ANKS1B: variants seen among roughly 807,000 people sequenced by gnomAD.
The protein encoded by ANKS1B is ankyrin repeat and sterile alpha motif domain containing 1B.
Under a neutral mutation model 148.3 loss-of-function variants are expected in ANKS1B, and 36 were observed. That is an observed-to-expected ratio of 0.24 (90% CI 0.19 to 0.32). The LOEUF (loss-of-function observed/expected upper bound fraction) is 0.32, where lower values mean the gene tolerates loss of function less well. ANKS1B is among the 10% of genes least tolerant of loss of function. The pLI is 1.00. For missense variants in ANKS1B, 1,157 were observed against 1,542.6 expected, an observed-to-expected ratio of 0.75 and a Z score of 4.19; for synonymous variants, 542 against 560.8, an observed-to-expected ratio of 0.97 and a Z score of 0.47.
chr12:98,910,250 T>C (rs979233822), intron 17 of ANKS1B, among the ~76,000 whole-genome samples: 3 of 152,194 alleles, frequency 2.0e-5, no homozygotes, highest in African/African-American at 7.2e-5. Context: ...TATATATAGA[T>C]GTATATATGT....
chr12:99,666,244 G>C (rs2098506173), intron 8 of ANKS1B, among the ~76,000 whole-genome samples: 2 of 152,102 alleles, frequency 1.3e-5, no homozygotes, highest in Non-Finnish European at 2.9e-5. Context: ...CTCCAAATTT[G>C]TTCTTCTTTG....
intron 17 of ANKS1B, among the ~76,000 whole-genome samples, chr12:99,012,447 A>G (rs2099940024): frequency 6.6e-6 from 1 of 152,168 alleles, no homozygotes; most frequent in South Asian, 2.1e-4. Context: ...TATATTTTCA[A>G]TTAGACATTT....
At chr12:98,883,256 A>C (rs1220752635) in intron 17 of ANKS1B, among the ~76,000 whole-genome samples, 1 of 152,242 alleles carries the variant, frequency 6.6e-6, no homozygotes, top group African/African-American at 2.4e-5. Flanking sequence ...AAGATTGTGC[A>C]TAAAATCTCT....
At position 99,127,339 on chromosome 12, in the gene ANKS1B, CT is replaced by C. The variant is rs112196768; in HGVS notation, c.2526+26949del. On this transcript the variant is annotated intron_variant, in intron 15 of 26. Coordinates refer to ENST00000683438, the MANE Select transcript of ANKS1B (RefSeq NM_001352186.2). ...GGTACTTCTCTCATCTGCCCGATTA[CT>C]TTTTTTTTTAAAGCCTGACAGGAAT... Among the ~76,000 whole-genome samples the C allele has an allele frequency of 8.3e-3, 1,241 of 149,242 alleles. 14 individuals are homozygous for C. The highest frequency in any genetic ancestry group is 0.029 in the African/African-American group (1,181 of 40,776).
At chr12:99,684,990 G>T (rs2098641479) in intron 8 of ANKS1B, among the ~76,000 whole-genome samples, 1 of 151,864 alleles carries the variant, frequency 6.6e-6, no homozygotes, top group Non-Finnish European at 1.5e-5. Context: ...GATAATACTG[G>T]AAAAACCCTT....
At chr12:99,505,986 T>C (rs10128807) in intron 9 of ANKS1B, among the ~76,000 whole-genome samples, 32,348 of 151,940 alleles carry the variant, frequency 0.21, 3,916 homozygotes, top group African/African-American at 0.33. Flanking sequence ...ATTAGTTACT[T>C]ACCCTTGTGG....
chr12:99,813,398 T>C (rs1178338907), intron 2 of ANKS1B, among the ~76,000 whole-genome samples: 1 of 150,998 alleles, frequency 6.6e-6, no homozygotes. Context: ...ATATATATAA[T>C]TACAATATAT....
At chr12:99,035,765 G>T (rs1352443769) in intron 17 of ANKS1B, among the ~76,000 whole-genome samples, 1 of 152,174 alleles carries the variant, frequency 6.6e-6, no homozygotes, top group Non-Finnish European at 1.5e-5. Context: ...TATACTTGGA[G>T]TTTGCAAAGA....
chr12:99,391,350 C>T (rs559055038), intron 12 of ANKS1B, among the ~76,000 whole-genome samples: 10 of 152,160 alleles, frequency 6.6e-5, no homozygotes, highest in Non-Finnish European at 1.3e-4. Context: ...GGCTTTTACT[C>T]GCTTTGCAGC....
chr12:99,661,400 G>C (rs1413456349), intron 8 of ANKS1B, among the ~76,000 whole-genome samples: 2 of 152,154 alleles, frequency 1.3e-5, no homozygotes, highest in Non-Finnish European at 2.9e-5. Context: ...TTGTAATTTT[G>C]AGTTGGTCTG....
intron 16 of ANKS1B, among the ~76,000 whole-genome samples, chr12:99,081,249 G>C (rs144999850): frequency 8.0e-4 from 121 of 150,396 alleles, no homozygotes; most frequent in African/African-American, 2.9e-3. Context: ...AACACATCAA[G>C]ATTGTACTGA....
At chr12:99,848,519 T>C (rs1316698615) in intron 1 of ANKS1B, among the ~76,000 whole-genome samples, 1 of 152,134 alleles carries the variant, frequency 6.6e-6, no homozygotes, top group Non-Finnish European at 1.5e-5. Flanking sequence ...CAGGGATACA[T>C]AAATAGATCT....
chr12:99,140,111 G>A (rs559990029), intron 15 of ANKS1B, among the ~76,000 whole-genome samples: 1 of 152,268 alleles, frequency 6.6e-6, no homozygotes, highest in Non-Finnish European at 1.5e-5. Context: ...GTAGTTAAGG[G>A]AACATTTTAT....
intron 1 of ANKS1B, among the ~76,000 whole-genome samples, chr12:99,927,014 A>T (rs1448314350): frequency 6.6e-6 from 1 of 152,224 alleles, no homozygotes; most frequent in Admixed American, 6.5e-5. Context: ...AGCCAATCAG[A>T]AGCCATAAAT....
At chr12:99,634,477 C>T (rs973981513) in intron 9 of ANKS1B, among the ~76,000 whole-genome samples, 25 of 152,168 alleles carry the variant, frequency 1.6e-4, no homozygotes, top group Admixed American at 1.6e-3. Flanking sequence ...TTCAAGTGTT[C>T]TGATATAAAC....
chr12:99,040,706 G>A (rs2099958414), intron 17 of ANKS1B, among the ~76,000 whole-genome samples: 1 of 152,154 alleles, frequency 6.6e-6, no homozygotes, highest in South Asian at 2.1e-4. Context: ...GATATATGAT[G>A]TATATATGAC....
chr12:99,474,167 A>G (rs1042868035), intron 10 of ANKS1B, among the ~76,000 whole-genome samples: 7 of 152,048 alleles, frequency 4.6e-5, no homozygotes, highest in Non-Finnish European at 1.0e-4. Context: ...TAATCCATAT[A>G]TACTGTTCTT....
chr12:99,642,958 T>G (rs2098324986), intron 9 of ANKS1B, among the ~76,000 whole-genome samples: 1 of 152,010 alleles, frequency 6.6e-6, no homozygotes, highest in Non-Finnish European at 1.5e-5. Context: ...CATATCACAC[T>G]ATAAGTACCT....
chr12:98,768,176 G>A (rs899767381), intron 25 of ANKS1B, among the ~76,000 whole-genome samples: 1 of 152,088 alleles, frequency 6.6e-6, no homozygotes, highest in Non-Finnish European at 1.5e-5. Flanking sequence ...TGACAACAAC[G>A]AGAGCATAGA....
Sources: allele counts gnomAD v4.1 joint callset (sites outside exome capture counted in the v4.1 genomes callset), GRCh38; gene constraint gnomAD v4.1.1; transcripts MANE v1.5; gene names NCBI Gene and HGNC (gene_info 2026-07-23, HGNC 2026-07-21).